AFAP1: variants seen among roughly 807,000 people sequenced by gnomAD.
AFAP1 encodes the protein actin filament associated protein 1, also known as actin filament-associated protein 1.
In AFAP1, 75 loss-of-function variants were observed where a neutral mutation model predicts 93.9. The observed-to-expected ratio is 0.80, with a 90% CI of 0.66 to 0.97. AFAP1 has a LOEUF of 0.97. Ranked by LOEUF, AFAP1 falls within the 50% of genes least tolerant of loss-of-function variation. The pLI, the probability that AFAP1 is intolerant of heterozygous loss-of-function variation, is 0.00. For synonymous variants in AFAP1, 517 were observed against 430.7 expected (o/e 1.20, Z -2.48); for missense variants, 1,201 against 1,050.8 (o/e 1.14, Z -1.98).
chr4:7,767,431 T>A (rs1389543423), intron 17 of AFAP1, among the ~76,000 whole-genome samples: 1 of 152,362 alleles, frequency 6.6e-6, no homozygotes. Context: ...ATCTCTCATC[T>A]GCGAGTCCTA....
At chr4:7,779,784 G>A (rs1716565702) in intron 13 of AFAP1, among the ~76,000 whole-genome samples, 1 of 152,170 alleles carries the variant, frequency 6.6e-6, no homozygotes, top group African/African-American at 2.4e-5. Context: ...AAGATCAGAT[G>A]ACGTGCCATA....
rs1339933719 is a variant in AFAP1 at position 7,763,674 on chromosome 4, C to G, written c.*91G>C. 1.3e-6 allele frequency: 2 copies of G among 1,503,060 alleles called. No individual in the cohort carries two copies. Among genetic ancestry groups the G allele is most frequent in the Admixed American group, 2.0e-5 (1 of 50,846 alleles). 93.1% of individuals were successfully genotyped at this position (1,503,060 alleles called of 1,614,324 possible). A position where few individuals can be genotyped will look rare whatever the true frequency, so the allele number is the denominator to read the frequency against. On this transcript the variant is annotated 3_prime_UTR_variant, in exon 18 of 18. Coordinates refer to ENST00000420658, the MANE Select transcript of AFAP1 (RefSeq NM_001134647.2). The stretch of plus-strand genomic sequence containing the variant: ...AGCCTCTGGAGTCGTGCAGCTGAGG[C>G]CACTCTGGGCAGAGCTTCCTGCCGT...
At chr4:7,840,275 T>TGTGCGTGTGTGTGC (rs5855987) in intron 5 of AFAP1, among the ~76,000 whole-genome samples, 4 of 131,646 alleles carry the variant, frequency 3.0e-5, no homozygotes, top group African/African-American at 1.2e-4. Context: ...TGTGTGTGTG[T>TGTGCGTGTGTGTGC]GTGTGTGTGT....
chr4:7,863,741 A>C (rs1716024380), intron 3 of AFAP1, among the ~76,000 whole-genome samples: 1 of 152,150 alleles, frequency 6.6e-6, no homozygotes, highest in South Asian at 2.1e-4. Flanking sequence ...ACTATTAGAC[A>C]CTAAAAAGGA....
intron 13 of AFAP1, chr4:7,779,108 G>A (rs924232082): frequency 2.4e-5 from 12 of 506,842 alleles, no homozygotes; most frequent in African/African-American, 7.9e-5. Context: ...GATGTGTTCC[G>A]CTGGAACACT....
In AFAP1 at chr4:7,768,988, C is replaced by G; in HGVS notation, c.2274G>C (p.Arg758=). ...SSPQSPVFRH[R]TLENSPISSC... ...TGGAGATGGGCGAGTTTTCCAGGGT[C>G]CGGTGCCGGAACACTGGAGACTTAA... is the stretch of plus-strand genomic sequence containing the variant. The change falls in exon 17 of 18, where the codon CGG becomes CGC. Residue 758 remains arginine, a synonymous_variant. Transcript: ENST00000420658. 1.2e-6 allele frequency: 2 copies of G among 1,612,734 alleles called. No individual in the cohort carries two copies. Among genetic ancestry groups the G allele is most frequent in the Non-Finnish European group, 1.7e-6 (2 of 1,179,082 alleles).
chr4:7,908,820 A>T (rs1326393319), intron 1 of AFAP1, among the ~76,000 whole-genome samples: 1 of 152,210 alleles, frequency 6.6e-6, no homozygotes, highest in Non-Finnish European at 1.5e-5. Context: ...TTCGTATAGC[A>T]TAAGATCATC....
chr4:7,759,769 G>C lies in AFAP1; in HGVS notation c.*3996C>G, dbSNP rs1207367005. The stretch of plus-strand genomic sequence containing the variant: ...GACCTCCAGTGCTGTGTTCCCAGAA[G>C]AGGCTGTTTCAAGGATGGACATCCA... On this transcript the variant is annotated 3_prime_UTR_variant, in exon 18 of 18. Transcript: ENST00000420658. 6.6e-6 allele frequency: 1 copy of C among 152,342 alleles called. No homozygotes were observed. Among genetic ancestry groups the C allele is most frequent in the Admixed American group, 6.5e-5 (1 of 15,296 alleles). 9.4% of individuals were successfully genotyped at this position (152,342 alleles called of 1,614,324 possible). A position where few individuals can be genotyped will look rare whatever the true frequency, so the allele number is the denominator to read the frequency against.
At chr4:7,868,013 C>A (rs1716612313) in intron 3 of AFAP1, among the ~76,000 whole-genome samples, 1 of 150,512 alleles carries the variant, frequency 6.6e-6, no homozygotes, top group African/African-American at 2.5e-5. Flanking sequence ...CTCGAGTAAA[C>A]AAGTTAGAAA....
At chr4:7,920,427 G>A (rs1720377515) in intron 1 of AFAP1, among the ~76,000 whole-genome samples, 2 of 152,168 alleles carry the variant, frequency 1.3e-5, no homozygotes, top group South Asian at 4.1e-4. Flanking sequence ...AACTTCTAAT[G>A]CAAAGGTCCG....
Position 7,872,866 on chromosome 4 carries a change from G to A in AFAP1, c.-2-786C>T, listed in dbSNP as rs183222287. 4.1e-5 allele frequency among the ~76,000 whole-genome samples: 6 copies of A among 147,470 alleles called. No individual in the cohort carries two copies. In the East Asian group the frequency reaches 1.2e-3, roughly 30 times the overall value. On this transcript the variant is annotated intron_variant, in intron 1 of 17. Coordinates refer to ENST00000420658, the MANE Select transcript of AFAP1 (RefSeq NM_001134647.2). ...GCATCTTAGCACGAATCAAGGAAGT[G>A]ACACCAAACTATCCTAGCGGTCATG...
intron 10 of AFAP1, among the ~76,000 whole-genome samples, chr4:7,796,570 A>G (rs1427954131): frequency 6.6e-6 from 1 of 151,548 alleles, no homozygotes; most frequent in Non-Finnish European, 1.5e-5. Context: ...TAACACGGTG[A>G]AACCCTGTCT....
intron 13 of AFAP1, among the ~76,000 whole-genome samples, chr4:7,780,262 G>C (rs1716622571): frequency 6.6e-6 from 1 of 152,184 alleles, no homozygotes; most frequent in African/African-American, 2.4e-5. Context: ...CCAGGGATGG[G>C]ATCTGAACAA....
chr4:7,939,283 C>T lies in AFAP1; in HGVS notation c.-3+373G>A. 1 of 312,316 alleles carries T rather than the reference C, an allele frequency of 3.2e-6. No homozygotes were observed. The highest frequency in any genetic ancestry group is 6.5e-6 in the Non-Finnish European group (1 of 154,734). 19.3% of individuals were successfully genotyped at this position (312,316 alleles called of 1,614,324 possible). On this transcript the variant is annotated intron_variant, in intron 1 of 17. Coordinates refer to ENST00000420658, the MANE Select transcript of AFAP1 (RefSeq NM_001134647.2). This position sits in a 1 kb window ranked among gnomAD's most constrained non-coding sequence, Gnocchi z 5.6. ...TCGCTACGGGGGAGGGCGGCGGAGCCTCCCACTCTTGGTGACCCGGACCCC... is the reference window on the plus strand; with the variant it reads ...TCGCTACGGGGGAGGGCGGCGGAGCTTCCCACTCTTGGTGACCCGGACCCC...
intron 16 of AFAP1, chr4:7,772,342 G>A (rs1715555629): frequency 6.5e-6 from 1 of 153,398 alleles, no homozygotes; most frequent in African/African-American, 2.4e-5. Flanking sequence ...AATGACTGAA[G>A]AGGAACCAGG....
chr4:7,867,112 G>A (rs1156659733), intron 3 of AFAP1, among the ~76,000 whole-genome samples: 1 of 89,578 alleles, frequency 1.1e-5, no homozygotes, highest in Non-Finnish European at 2.7e-5. Flanking sequence ...GGAGTAGAGG[G>A]GAGGGGAGGG....
At chr4:7,912,329 T>C (rs1325772538) in intron 1 of AFAP1, among the ~76,000 whole-genome samples, 1 of 152,222 alleles carries the variant, frequency 6.6e-6, no homozygotes, top group African/African-American at 2.4e-5. Flanking sequence ...TGAATGTGAG[T>C]GCTGCGTCCT....
intron 3 of AFAP1, among the ~76,000 whole-genome samples, chr4:7,865,112 AC>A (rs1716254998): frequency 6.6e-6 from 1 of 152,272 alleles, no homozygotes; most frequent in African/African-American, 2.4e-5. Context: ...ACTGGAAATT[AC>A]AAAGTAATCA....
chr4:7,892,841 G>C (rs1032477651), intron 1 of AFAP1, among the ~76,000 whole-genome samples: 1 of 152,096 alleles, frequency 6.6e-6, no homozygotes, highest in Admixed American at 6.5e-5. Flanking sequence ...GGGATGTGGT[G>C]GGGGAGCAGC....
Sources: allele counts gnomAD v4.1 joint callset (sites outside exome capture counted in the v4.1 genomes callset), GRCh38; gene constraint gnomAD v4.1.1; non-coding constraint Gnocchi (gnomAD v3.1); transcripts MANE v1.5; gene names NCBI Gene and HGNC (gene_info 2026-07-23, HGNC 2026-07-21).